ZNRF3: variants seen among roughly 807,000 people sequenced by gnomAD.
ZNRF3 encodes E3 ubiquitin-protein ligase ZNRF3.
Under a neutral mutation model 72.5 loss-of-function variants are expected in ZNRF3, and 23 were observed. That is an observed-to-expected ratio of 0.32 (90% confidence interval 0.23 to 0.45). The LOEUF (loss-of-function observed/expected upper bound fraction) is 0.45. Ranked by LOEUF, ZNRF3 falls within the 20% of genes least tolerant of loss-of-function variation. ZNRF3 has a pLI of 1.00. For missense variants in ZNRF3, 1,169 were observed against 1,272.1 expected (o/e 0.92, Z 1.23); for synonymous variants, 610 against 545.3 (o/e 1.12, Z -1.65).
chr22:28,928,606 G>A (rs1055507414), intron 1 of ZNRF3, among the ~76,000 whole-genome samples: 2 of 147,518 alleles, frequency 1.4e-5, no homozygotes, highest in African/African-American at 5.0e-5. Context: ...CAATTCTCCT[G>A]CCTCAGCCTC....
intron 2 of ZNRF3, chr22:29,024,901 T>C (rs968789960): frequency 6.6e-6 from 1 of 150,944 alleles, no homozygotes; most frequent in Non-Finnish European, 1.5e-5. Context: ...GAAAGGGTAA[T>C]CACTAAATAG....
chr22:28,951,758 C>G (rs1420871226), intron 1 of ZNRF3, among the ~76,000 whole-genome samples: 1 of 152,224 alleles, frequency 6.6e-6, no homozygotes, highest in Non-Finnish European at 1.5e-5. Context: ...CCAGGGTGAC[C>G]TGTGCGCCTG....
At chr22:28,999,239 C>T (rs2036101372) in intron 2 of ZNRF3, among the ~76,000 whole-genome samples, 1 of 150,286 alleles carries the variant, frequency 6.7e-6, no homozygotes, top group African/African-American at 2.5e-5. Flanking sequence ...AAGGCTGAGG[C>T]AGGAGAATTG....
intron 2 of ZNRF3, among the ~76,000 whole-genome samples, chr22:29,006,427 G>A (rs530381125): frequency 7.9e-5 from 12 of 152,098 alleles, no homozygotes; most frequent in Non-Finnish European, 1.6e-4. Flanking sequence ...GGTCAGGCTG[G>A]TCTCGAACTC....
At chr22:28,968,772 C>A (rs2035520187) in intron 1 of ZNRF3, among the ~76,000 whole-genome samples, 1 of 152,204 alleles carries the variant, frequency 6.6e-6, no homozygotes, top group South Asian at 2.1e-4. Flanking sequence ...AATTAACCCC[C>A]CAGTGTCGAT....
At chr22:28,896,107 C>T (rs995466704) in intron 1 of ZNRF3, among the ~76,000 whole-genome samples, 10 of 151,178 alleles carry the variant, frequency 6.6e-5, no homozygotes, top group South Asian at 2.1e-4. Context: ...TCCACCATCA[C>T]GCCCGGCTAA....
At chr22:28,988,060 A>G (rs1393333207) in intron 2 of ZNRF3, among the ~76,000 whole-genome samples, 1 of 152,228 alleles carries the variant, frequency 6.6e-6, no homozygotes, top group Non-Finnish European at 1.5e-5. Flanking sequence ...AAAGCCACTC[A>G]TCAACAATCT....
chr22:28,927,585 C>G (rs116169388), intron 1 of ZNRF3, among the ~76,000 whole-genome samples: 3,296 of 152,198 alleles, frequency 0.022, 82 homozygotes, highest in African/African-American at 0.052. Flanking sequence ...ATATGTGATT[C>G]TGTGTGTGTT....
At chr22:28,948,044 C>A (rs554344343) in intron 1 of ZNRF3, among the ~76,000 whole-genome samples, 1 of 151,912 alleles carries the variant, frequency 6.6e-6, no homozygotes, top group African/African-American at 2.4e-5. Context: ...GGGGTTTCAC[C>A]GTGTTGGTCA....
intron 1 of ZNRF3, among the ~76,000 whole-genome samples, chr22:28,950,244 G>T (rs1241583306): frequency 6.6e-6 from 1 of 152,160 alleles, no homozygotes; most frequent in African/African-American, 2.4e-5. Context: ...TACCTGAAAA[G>T]GTTGAAGGAC....
At position 29,037,650 on chromosome 22, in the gene ZNRF3, T is replaced by A. The variant is rs145268316; in HGVS notation, c.427-4845T>A. Among the ~76,000 whole-genome samples the A allele has an allele frequency of 6.6e-5, 10 of 152,354 alleles. No individual in the cohort carries two copies. The East Asian group carries it at 1.9e-3, about 29-fold the overall frequency. On this transcript the variant is annotated intron_variant, in intron 2 of 8. Transcript: ENST00000544604. ...AGGGCGCAAGTGTTTGCTCTTTTGC[T>A]ACTTGTCTCAATGGCCACAGACATT...
intron 1 of ZNRF3, among the ~76,000 whole-genome samples, chr22:28,954,503 G>C (rs1486937307): frequency 6.6e-6 from 1 of 152,158 alleles, no homozygotes; most frequent in East Asian, 1.9e-4. Context: ...ATGACTTTTG[G>C]GGAGACCCAA....
At chr22:28,903,586 C>G (rs1388293158) in intron 1 of ZNRF3, among the ~76,000 whole-genome samples, 1 of 152,100 alleles carries the variant, frequency 6.6e-6, no homozygotes, top group African/African-American at 2.4e-5. Flanking sequence ...CCTCCCCATC[C>G]TGAACCCCTC....
chr22:29,006,470 C>T lies in ZNRF3; in HGVS notation c.426+19269C>T, dbSNP rs185080956. ...CAGGTGATCTGCCTGCCTCGTCCTC[C>T]GAAAGTGCTGGGATTACAGGTGTGA... is the stretch of plus-strand genomic sequence containing the variant. On this transcript the variant is annotated intron_variant, in intron 2 of 8. Coordinates refer to ENST00000544604, the MANE Select transcript of ZNRF3 (RefSeq NM_001206998.2). 2.7e-3 allele frequency among the ~76,000 whole-genome samples: 411 copies of T among 152,244 alleles called. 6 individuals carry two copies. In the Middle Eastern group the frequency reaches 0.041, roughly 15 times the overall value.
rs140444266 is a variant in ZNRF3, at chr22:28,941,509, A to G, written c.301-45567A>G. Among the ~76,000 whole-genome samples, 25 of 152,306 alleles carry G rather than the reference A, an allele frequency of 1.6e-4. No individual in the cohort carries two copies. In the East Asian group the frequency reaches 4.8e-3, roughly 29 times the overall value. ...CTTTTCCACTTGGCTGAGGACAAAT[A>G]TAGATAAAATCTTGGCCTATTGAAG... On this transcript the variant is annotated intron_variant, in intron 1 of 8. Transcript: ENST00000544604.
At chr22:28,943,960 A>C (rs1299675857) in intron 1 of ZNRF3, among the ~76,000 whole-genome samples, 1 of 152,054 alleles carries the variant, frequency 6.6e-6, no homozygotes, top group Admixed American at 6.5e-5. Flanking sequence ...TGCCTTGGAC[A>C]AATTAGGGAC....
intron 1 of ZNRF3, among the ~76,000 whole-genome samples, chr22:28,937,199 ATATATATATATATATATTTT>A (rs1370508736): frequency 6.4e-4 from 4 of 6,206 alleles, no homozygotes; most frequent in African/African-American, 1.3e-3. Flanking sequence ...ATATATATAT[ATATATATATATATATATTTT>A]TTTTTTTTTT....
chr22:29,038,566 A>G (rs2036904639), intron 2 of ZNRF3, among the ~76,000 whole-genome samples: 1 of 152,168 alleles, frequency 6.6e-6, no homozygotes, highest in African/African-American at 2.4e-5. Flanking sequence ...CCTGGCTTCA[A>G]GCAGTCCTCC....
chr22:28,935,116 C>T (rs1227319353), intron 1 of ZNRF3, among the ~76,000 whole-genome samples: 1 of 152,224 alleles, frequency 6.6e-6, no homozygotes, highest in African/African-American at 2.4e-5. Context: ...CTGGAAGCTT[C>T]AGGCATTGCC....
Sources: allele counts gnomAD v4.1 joint callset (sites outside exome capture counted in the v4.1 genomes callset), GRCh38; gene constraint gnomAD v4.1.1; transcripts MANE v1.5; gene names NCBI Gene and HGNC (gene_info 2026-07-23, HGNC 2026-07-21).